Variants in DAPK3 observed in about 807,000 individuals in gnomAD.
DAPK3 encodes the protein death-associated protein kinase 3.
Under a neutral mutation model 30.6 loss-of-function variants are expected in DAPK3, and 24 were observed. The ratio of observed to expected loss-of-function variants is 0.78; its 90% confidence interval spans 0.57 to 1.10. The LOEUF (loss-of-function observed/expected upper bound fraction) is 1.10. Among genes scored for constraint, DAPK3 ranks in the 50% least tolerant of loss-of-function variants. The pLI is 0.00. For missense variants in DAPK3, 629 were observed against 657.3 expected (o/e 0.96, Z 0.47); for synonymous variants, 341 against 284.0 (o/e 1.20, Z -2.02).
In DAPK3 at chr19:3,967,160, G is replaced by A. The variant is rs987847795; in HGVS notation, c.63-2169C>T. Among the ~76,000 whole-genome samples the A allele has an allele frequency of 4.6e-5, 7 of 152,304 alleles. No homozygotes were observed. The East Asian group carries it at 1.3e-3, about 29-fold the overall frequency. On this transcript the variant is annotated intron_variant, in intron 2 of 8. Coordinates refer to ENST00000545797, the MANE Select transcript of DAPK3 (RefSeq NM_001348.3). ...TAGAGTTCATGATGTTTAAAAATGC[G>A]GGCTGGGAAGCCGGGCACAGTGGCT...
chr19:3,970,172 T>C (rs1372279443), intron 1 of DAPK3, among the ~76,000 whole-genome samples: 2 of 152,188 alleles, frequency 1.3e-5, no homozygotes, highest in African/African-American at 2.4e-5. Flanking sequence ...TCCCCCACCA[T>C]TCCTGCACGT....
chr19:3,971,090 C>G lies in DAPK3; in HGVS notation c.-264G>C, dbSNP rs958223430. Reference sequence around the variant, plus strand: ...ACCGCCGCCGCCTCCAGAAGCCCCGCGCCCCTGCCGCCGCGACGCGCCTGC... The same window carrying G: ...ACCGCCGCCGCCTCCAGAAGCCCCGGGCCCCTGCCGCCGCGACGCGCCTGC... On this transcript the variant is annotated 5_prime_UTR_variant, in exon 1 of 9. Coordinates refer to ENST00000545797, the MANE Select transcript of DAPK3 (RefSeq NM_001348.3). 2.7e-4 allele frequency: 41 copies of G among 154,034 alleles called. 2 individuals carry two copies. In the South Asian group the frequency reaches 4.5e-3, roughly 17 times the overall value. 9.5% of individuals were successfully genotyped at this position (154,034 alleles called of 1,614,324 possible). A position where few individuals can be genotyped will look rare whatever the true frequency, so the allele number is the denominator to read the frequency against.
At chr19:3,964,024 G>C (rs1428768597) in intron 4 of DAPK3, 105 bp from the exon 5 acceptor site, 1 of 872,822 alleles carries the variant, frequency 1.1e-6, no homozygotes, top group African/African-American at 1.7e-5. Flanking sequence ...GCAGCCCTTG[G>C]GGGCATGAAT....
chr19:3,959,993 C>A, intron 8 of DAPK3, 66 bp downstream of exon 8: 1 of 903,378 alleles, frequency 1.1e-6, no homozygotes, highest in Non-Finnish European at 1.9e-6. Flanking sequence ...TGCTGAAGGC[C>A]CCCCGGGACC....
chr19:3,966,590 C>T (rs952842784), intron 2 of DAPK3, among the ~76,000 whole-genome samples: 3 of 152,182 alleles, frequency 2.0e-5, no homozygotes, highest in Non-Finnish European at 2.9e-5. Context: ...CCAGGCACTG[C>T]GGGTGGCACA....
At chr19:3,966,326 A>C (rs1195331300) in intron 2 of DAPK3, among the ~76,000 whole-genome samples, 1 of 151,938 alleles carries the variant, frequency 6.6e-6, no homozygotes, top group Non-Finnish European at 1.5e-5. Flanking sequence ...TTTGCCGCTC[A>C]CTCTCAGTCT....
intron 2 of DAPK3, among the ~76,000 whole-genome samples, chr19:3,967,095 AC>A (rs2039585986): frequency 6.6e-6 from 1 of 152,148 alleles, no homozygotes; most frequent in Non-Finnish European, 1.5e-5. Context: ...CAACCCAGAC[AC>A]GACCCAAGCG....
chr19:3,959,192 T>C lies in DAPK3; in HGVS notation c.1274A>G (p.Lys425Arg). The C allele has an allele frequency of 6.3e-7, 1 of 1,599,412 alleles. No individual in the cohort carries two copies. Among genetic ancestry groups the C allele is most frequent in the Non-Finnish European group, 8.5e-7 (1 of 1,177,438 alleles). ...RLENRYEALA[K>R]QVASEMRFVQ... ...GAAGCGCATCTCGGAGGCTACTTGCTTGGCCAGCGCCTCGTAGCGGTTCTC... is the reference window on the plus strand; with the variant it reads ...GAAGCGCATCTCGGAGGCTACTTGCCTGGCCAGCGCCTCGTAGCGGTTCTC... The change falls in exon 9 of 9, where the codon AAG (lysine) becomes AGG (arginine). Residue 425 changes from lysine to arginine, a missense_variant. Transcript: ENST00000545797.
chr19:3,961,393 C>T (rs897334850), intron 6 of DAPK3: 1 of 680,236 alleles, frequency 1.5e-6, no homozygotes, highest in Middle Eastern at 2.5e-4. Context: ...AATGAACAGG[C>T]AGAAGTCTCC....
At position 3,964,995 on chromosome 19, in the gene DAPK3, G is replaced by A. The variant is rs1487659345; in HGVS notation, c.63-4C>T. On this transcript the variant is annotated splice_polypyrimidine_tract_variant and splice_region_variant and intron_variant, in intron 2 of 8. Transcript: ENST00000545797. ...CCGCACGATCGCAAACTGGCCGCTG[G>A]AGGAGGGGGAGGGAGTGAGTGGGGG... 2.5e-6 allele frequency: 4 copies of A among 1,574,190 alleles called. No homozygotes were observed. Among genetic ancestry groups the A allele is most frequent in the South Asian group, 2.2e-5 (2 of 89,808 alleles).
chr19:3,961,032 G>C lies in DAPK3; in HGVS notation c.759C>G (p.Arg253=), dbSNP rs1446916487. 2 of 1,613,754 alleles carry C rather than the reference G, an allele frequency of 1.2e-6. No homozygotes were observed. The highest frequency in any genetic ancestry group is 1.7e-6 in the Non-Finnish European group (2 of 1,179,936). The change falls in exon 7 of 9, where the codon CGC becomes CGG. Residue 253 remains arginine, a synonymous_variant. Transcript: ENST00000545797. ...NTSELAKDFI[R]RLLVKDPKRR... is the part of the protein sequence containing the mutation. ...ACTTGGGATCTTTGACGAGCAGCCG[G>C]CGAATGAAGTCCTTGGCCAGCTCGC...
intron 2 of DAPK3, among the ~76,000 whole-genome samples, chr19:3,965,832 T>A (rs2039572466): frequency 6.6e-6 from 1 of 151,542 alleles, no homozygotes; most frequent in Non-Finnish European, 1.5e-5. Flanking sequence ...ACCCAATTAA[T>A]TTTTTTTTCT....
chr19:3,962,455 G>A (rs992079874), intron 6 of DAPK3, among the ~76,000 whole-genome samples: 20 of 152,304 alleles, frequency 1.3e-4, no homozygotes, highest in Admixed American at 5.9e-4. Flanking sequence ...GGGCAACACA[G>A]TGAAACTCCA....
chr19:3,969,863 C>G (rs2039616804), intron 1 of DAPK3, 34 bp from the exon 2 acceptor site: 1 of 665,120 alleles, frequency 1.5e-6, no homozygotes, highest in Admixed American at 2.3e-5. Context: ...AAGTGAGGAA[C>G]TGAGACACCA....
In DAPK3 at chr19:3,963,867, TCAC is replaced by T. The variant is rs777070673; in HGVS notation, c.602+1_602+3del. ...GGCCCGGTGGGAGCAGGTGGTACAC[TCAC>T]CACATGTCCGCCTCCAGGCCCAGCG... On this transcript the variant is annotated splice_donor_variant and splice_donor_region_variant and intron_variant, in intron 5 of 8. Transcript: ENST00000545797. LOFTEE classifies it high-confidence loss of function. The T allele has an allele frequency of 2.5e-6, 4 of 1,577,882 alleles. No individual in the cohort carries two copies. Among genetic ancestry groups the T allele is most frequent in the Non-Finnish European group, 2.6e-6 (3 of 1,149,644 alleles).
At chr19:3,968,446 G>C (rs1359512468) in intron 2 of DAPK3, among the ~76,000 whole-genome samples, 1 of 151,840 alleles carries the variant, frequency 6.6e-6, no homozygotes, top group Non-Finnish European at 1.5e-5. Flanking sequence ...CTGCACTCCA[G>C]CCTGGGCGAC....
At chr19:3,967,907 C>T (rs377051754) in intron 2 of DAPK3, among the ~76,000 whole-genome samples, 5 of 152,322 alleles carry the variant, frequency 3.3e-5, no homozygotes, top group African/African-American at 1.2e-4. Context: ...TGGCCAGTCC[C>T]GAGAAAAACT....
Position 3,959,083 on chromosome 19 carries a change from T to C in DAPK3, c.*18A>G, listed in dbSNP as rs2039471773. ...GCCGAGCTCCGGCTGTCCTGGGGCC[T>C]GGCCCACCCCACTGCGCCTAGCGCA... On this transcript the variant is annotated 3_prime_UTR_variant, in exon 9 of 9. Transcript: ENST00000545797. 6.8e-7 allele frequency: 1 copy of C among 1,466,844 alleles called. No individual in the cohort carries two copies. The highest frequency in any genetic ancestry group is 2.5e-5 in the East Asian group (1 of 40,586). The allele number at this position is 1,466,844 out of a possible 1,614,324, so 90.9% of individuals were successfully genotyped here.
rs1408124497 is a variant in DAPK3 at position 3,959,110 on chromosome 19, C to G, written c.1356G>C (p.Gly452=). ...GCCCACCCCACTGCGCCTAGCGCAG[C>G]CCGCACTCCACGCCCTGCAGCTTCT... ...EQEKLQGVEC[G]LR is the part of the protein sequence containing the mutation. The change falls in exon 9 of 9, where the codon GGG becomes GGC. Residue 452 remains glycine (G), a synonymous_variant. Transcript: ENST00000545797. 6.5e-7 allele frequency: 1 copy of G among 1,547,962 alleles called. No homozygotes were observed.
Sources: gnomAD v4.1 joint callset for allele counts (sites outside exome capture counted in the v4.1 genomes callset) on GRCh38, gnomAD v4.1.1 for gene constraint, MANE v1.5 for transcripts, NCBI Gene and HGNC (gene_info 2026-07-23, HGNC 2026-07-21) for gene names.